LRRC37A2: variants seen among roughly 807,000 people sequenced by gnomAD.
LRRC37A2 encodes the protein leucine-rich repeat-containing protein 37A2.
Under a neutral mutation model 68.8 loss-of-function variants are expected in LRRC37A2, and 9 were observed. The ratio of observed to expected loss-of-function variants is 0.13; its 90% confidence interval spans 0.08 to 0.23. The LOEUF is 0.23. Among genes scored for constraint, LRRC37A2 ranks in the 10% least tolerant of loss-of-function variants. The pLI, the probability that LRRC37A2 is intolerant of heterozygous loss-of-function variation, is 1.00. For synonymous variants in LRRC37A2, 63 were observed against 367.6 expected (o/e 0.17, Z 9.48); for missense variants, 168 against 950.4 (o/e 0.18, Z 10.82).
the LRRC37A2 span, among the ~76,000 whole-genome samples, chr17:46,779,876 G>A: frequency 2.1e-4 from 32 of 151,990 alleles, no homozygotes; most frequent in African/African-American, 7.5e-4. Context: ...CTCCTGCCTC[G>A]GCCTCTCAAG....
At chr17:46,932,306 T>G in the LRRC37A2 span, 15 of 1,333,004 alleles carry the variant, frequency 1.1e-5, no homozygotes, top group South Asian at 1.5e-4. Context: ...AGAAGACTGA[T>G]GATGAGGAAA....
the LRRC37A2 span, among the ~76,000 whole-genome samples, chr17:46,944,268 T>A: frequency 6.6e-6 from 1 of 152,244 alleles, no homozygotes. Context: ...TTGCACTGGT[T>A]ACAGCGGCCG....
the LRRC37A2 span, among the ~76,000 whole-genome samples, chr17:46,895,188 G>A: frequency 3.9e-5 from 6 of 152,224 alleles, no homozygotes; most frequent in Non-Finnish European, 5.9e-5. Context: ...TGCTCCCAGG[G>A]CAGACAGCCC....
At chr17:46,942,037 AT>A in the LRRC37A2 span, 3 of 778,956 alleles carry the variant, frequency 3.9e-6, no homozygotes, top group Admixed American at 1.2e-4. Context: ...TCCAAAAAAG[AT>A]TTGAGGAGAC....
At chr17:47,028,673 C>T in the LRRC37A2 span, among the ~76,000 whole-genome samples, 5 of 151,880 alleles carry the variant, frequency 3.3e-5, no homozygotes, top group Admixed American at 2.6e-4. Context: ...CTTTGGGAGC[C>T]GAGGTGGGTG....
chr17:46,413,337 T>TA, the LRRC37A2 span, among the ~76,000 whole-genome samples: 957 of 74,146 alleles, frequency 0.013, 257 homozygotes, highest in African/African-American at 0.032. Context: ...CTTTAAAACT[T>TA]AAAAAAAAAT....
chr17:46,746,825 G>A, the LRRC37A2 span, among the ~76,000 whole-genome samples: 1 of 152,138 alleles, frequency 6.6e-6, no homozygotes, highest in African/African-American at 2.4e-5. Context: ...CAGTAAAATG[G>A]GGATAGTAGT....
the LRRC37A2 span, among the ~76,000 whole-genome samples, chr17:46,945,609 G>A: frequency 1.3e-5 from 2 of 152,170 alleles, no homozygotes; most frequent in Non-Finnish European, 2.9e-5. Flanking sequence ...CGTGGGCTAT[G>A]CAGAAGGGAA....
At chr17:46,679,692 C>CAAA in the LRRC37A2 span, among the ~76,000 whole-genome samples, 1 of 101,514 alleles carries the variant, frequency 9.9e-6, no homozygotes, top group African/African-American at 4.2e-5. Flanking sequence ...AACTCCATGT[C>CAAA]AAAAAAAAAA....
the LRRC37A2 span, among the ~76,000 whole-genome samples, chr17:46,786,561 C>G: frequency 1.3e-5 from 2 of 152,260 alleles, no homozygotes; most frequent in Admixed American, 6.5e-5. Flanking sequence ...AGGGGAGCAG[C>G]TCCCAAGGAC....
chr17:46,780,139 T>C, the LRRC37A2 span, among the ~76,000 whole-genome samples: 141 of 152,332 alleles, frequency 9.3e-4, no homozygotes, highest in African/African-American at 3.3e-3. Context: ...ACCTAACATA[T>C]GGTGAGACAC....
At chr17:46,966,781 C>A in the LRRC37A2 span, 200,746 of 426,818 alleles carry the variant, frequency 0.47, 48,533 homozygotes, top group East Asian at 0.52. Flanking sequence ...ACCTGCCTTG[C>A]AAGAATTATT....
the LRRC37A2 span, among the ~76,000 whole-genome samples, chr17:46,782,602 G>T: frequency 1.3e-5 from 2 of 152,254 alleles, no homozygotes; most frequent in Non-Finnish European, 2.9e-5. Context: ...AAGCCGTTCA[G>T]GATTGGCAGA....
chr17:47,018,767 T>C, the LRRC37A2 span: 34 of 1,521,040 alleles, frequency 2.2e-5, no homozygotes, highest in African/African-American at 3.0e-4. Flanking sequence ...CTCCAGAGTT[T>C]CCTAATGTAG....
At chr17:46,768,988 C>G in the LRRC37A2 span, among the ~76,000 whole-genome samples, 2 of 152,296 alleles carry the variant, frequency 1.3e-5, no homozygotes, top group South Asian at 4.1e-4. The surrounding 1 kb of genome is among the most constrained non-coding windows in gnomAD (Gnocchi z 5.0). Context: ...CCCTTCACAC[C>G]CCAAGCATGG....
chr17:46,731,509 C>T, the LRRC37A2 span, among the ~76,000 whole-genome samples: 3 of 151,984 alleles, frequency 2.0e-5, no homozygotes, highest in Non-Finnish European at 4.4e-5. Context: ...ATATCTCAAG[C>T]GATTACATTT....
chr17:46,819,638 G>T, the LRRC37A2 span, among the ~76,000 whole-genome samples: 1 of 152,296 alleles, frequency 6.6e-6, no homozygotes, highest in Admixed American at 6.5e-5. This position sits in a 1 kb window ranked among gnomAD's most constrained non-coding sequence, Gnocchi z 5.3. Context: ...CTCACTGCCC[G>T]ACCGTCCCGC....
the LRRC37A2 span, among the ~76,000 whole-genome samples, chr17:46,784,888 G>A: frequency 6.6e-6 from 1 of 150,914 alleles, no homozygotes; most frequent in Non-Finnish European, 1.5e-5. Context: ...CCATTCTCCT[G>A]CCTCAGCCTC....
the LRRC37A2 span, chr17:46,756,011 C>A: frequency 1.7e-6 from 1 of 575,088 alleles, no homozygotes; most frequent in Non-Finnish European, 3.0e-6. Context: ...CTTAGTGTCT[C>A]GTGGAAGGTG....
Sources: allele counts gnomAD v4.1 joint callset (sites outside exome capture counted in the v4.1 genomes callset), GRCh38; gene constraint gnomAD v4.1.1; non-coding constraint Gnocchi (gnomAD v3.1); transcripts MANE v1.5; gene names NCBI Gene and HGNC (gene_info 2026-07-23, HGNC 2026-07-21).